The following PPARG variants were observed in gnomAD, a reference collection of about 807,000 sequenced individuals.
PPARG encodes the protein peroxisome proliferator activated receptor gamma.
A neutral mutation model predicts 39.2 loss-of-function variants in PPARG; 17 were observed. The ratio of observed to expected loss-of-function variants is 0.43; its 90% CI spans 0.30 to 0.65. PPARG has a LOEUF of 0.65. Ranked by LOEUF, PPARG falls within the 30% of genes least tolerant of loss-of-function variation. PPARG has a pLI of 0.13. For missense variants in PPARG, 406 were observed against 585.9 expected (o/e 0.69, Z 3.17); for synonymous variants, 223 against 215.7 (o/e 1.03, Z -0.30).
chr3:12,401,079 T>A (rs4135342), intron 5 of PPARG, among the ~76,000 whole-genome samples: 1 of 152,162 alleles, frequency 6.6e-6, no homozygotes, highest in African/African-American at 2.4e-5. Context: ...CACTTGTATA[T>A]GAGTACACTC....
chr3:12,385,816 G>A (rs1487417010), intron 4 of PPARG, among the ~76,000 whole-genome samples: 1 of 152,082 alleles, frequency 6.6e-6, no homozygotes, highest in Non-Finnish European at 1.5e-5. Context: ...CTGCTTCATG[G>A]GAAAGCCAAC....
intron 5 of PPARG, among the ~76,000 whole-genome samples, chr3:12,399,189 T>C (rs971543781): frequency 3.3e-5 from 5 of 152,196 alleles, no homozygotes; most frequent in African/African-American, 7.2e-5. Context: ...GAATCAGAGA[T>C]TGAGTTAGAA....
intron 2 of PPARG, among the ~76,000 whole-genome samples, chr3:12,314,479 C>T (rs2047335414): frequency 6.6e-6 from 1 of 152,196 alleles, no homozygotes; most frequent in Non-Finnish European, 1.5e-5. Flanking sequence ...ATAGTGAGCT[C>T]ATATGCCCCT....
Position 12,376,919 on chromosome 3 carries a change from C to T in PPARG, c.-8-2785C>T, listed in dbSNP as rs545195912. 9.2e-4 allele frequency among the ~76,000 whole-genome samples: 140 copies of T among 152,312 alleles called. 1 individual carries two copies. Among genetic ancestry groups the T allele is most frequent in the Admixed American group, 2.6e-3 (40 of 15,286 alleles). On this transcript the variant is annotated intron_variant, in intron 2 of 7. Transcript: ENST00000651735. ...ATCCTGGAGTTTATGAGCAGCTCAT[C>T]TCTGTCTCCCGTGTGAGCAGTCCTA...
intron 2 of PPARG, among the ~76,000 whole-genome samples, chr3:12,374,667 T>C (rs1335840634): frequency 1.3e-5 from 2 of 152,222 alleles, no homozygotes; most frequent in East Asian, 3.9e-4. Context: ...ATGTAAATCA[T>C]GGACTTTAGG....
intron 4 of PPARG, among the ~76,000 whole-genome samples, chr3:12,392,358 C>G (rs148664372): frequency 1.3e-5 from 2 of 152,254 alleles, no homozygotes; most frequent in East Asian, 3.9e-4. Context: ...GAGCCAAGAT[C>G]CAATGAAAGC....
At chr3:12,361,263 G>A (rs904822632) in intron 2 of PPARG, among the ~76,000 whole-genome samples, 3 of 152,028 alleles carry the variant, frequency 2.0e-5, no homozygotes, top group Non-Finnish European at 4.4e-5. Flanking sequence ...TTAGGTAAAC[G>A]TTCTAAAGCA....
At position 12,336,476 on chromosome 3, in the gene PPARG, T is replaced by C. The variant is rs142328348; in HGVS notation, c.-9+24023T>C. Among the ~76,000 whole-genome samples the C allele has an allele frequency of 9.5e-4, 145 of 152,316 alleles. No homozygotes were observed. In the East Asian group the frequency reaches 0.026, roughly 27 times the overall value. On this transcript the variant is annotated intron_variant, in intron 2 of 7. Coordinates refer to ENST00000651735, the MANE Select transcript of PPARG (RefSeq NM_138711.6). ...AAAAAGATGGAAGATAATAGTTCTTTAGAAAAATGGAAACATTTACATTAT... is the reference window on the plus strand; with the variant it reads ...AAAAAGATGGAAGATAATAGTTCTTCAGAAAAATGGAAACATTTACATTAT...
intron 2 of PPARG, among the ~76,000 whole-genome samples, chr3:12,367,076 A>G (rs749964346): frequency 3.9e-5 from 6 of 152,178 alleles, no homozygotes; most frequent in Admixed American, 2.0e-4. Flanking sequence ...TAATAAATGT[A>G]GGCCTATTCC....
intron 1 of PPARG, among the ~76,000 whole-genome samples, chr3:12,308,974 A>G (rs140016444): frequency 5.9e-5 from 9 of 152,340 alleles, no homozygotes; most frequent in African/African-American, 1.9e-4. Flanking sequence ...AATTAAACCG[A>G]GAAGCAGATT....
chr3:12,332,215 G>A lies in PPARG; in HGVS notation c.-9+19762G>A, dbSNP rs377498112. 7.2e-5 allele frequency among the ~76,000 whole-genome samples: 11 copies of A among 152,232 alleles called. No homozygotes were observed. The East Asian group carries it at 2.1e-3, about 29-fold the overall frequency. ...CAAAAAGCCCTTTTTATTTCTGCCT[G>A]TGTAAAATCTTTCTTCAACATATTA... On this transcript the variant is annotated intron_variant, in intron 2 of 7. Transcript: ENST00000651735.
rs568020561 is a variant in PPARG, at chr3:12,403,740, G to C, written c.530-2142G>C. On this transcript the variant is annotated intron_variant, in intron 5 of 7. Transcript: ENST00000651735. ...TGCAGATGTGGAACCTGCGGGTATG[G>C]AGGGCCAACTGCATAAGGAATTCTA... Among the ~76,000 whole-genome samples, 11 of 152,292 alleles carry C rather than the reference G, an allele frequency of 7.2e-5. No individual in the cohort carries two copies. The South Asian group carries it at 2.3e-3, about 32-fold the overall frequency.
At chr3:12,391,954 C>G (rs1295054470) in intron 4 of PPARG, among the ~76,000 whole-genome samples, 3 of 152,070 alleles carry the variant, frequency 2.0e-5, no homozygotes, top group African/African-American at 7.2e-5. Flanking sequence ...TTCAGTTGGC[C>G]TCAAATTGAC....
chr3:12,412,079 C>T (rs527939082), intron 6 of PPARG, among the ~76,000 whole-genome samples: 1 of 152,228 alleles, frequency 6.6e-6, no homozygotes, highest in Non-Finnish European at 1.5e-5. Flanking sequence ...TTCAATCTGC[C>T]AAATTAGAAA....
At chr3:12,415,383 T>A (rs2125280573) in intron 6 of PPARG, among the ~76,000 whole-genome samples, 1 of 152,366 alleles carries the variant, frequency 6.6e-6, no homozygotes, top group African/African-American at 2.4e-5. Context: ...CCCTCAGCTC[T>A]TCTTCCAGTG....
intron 1 of PPARG, among the ~76,000 whole-genome samples, chr3:12,304,340 A>G (rs1574955479): frequency 6.6e-6 from 1 of 152,224 alleles, no homozygotes; most frequent in Admixed American, 6.5e-5. Context: ...AGTTACTGCA[A>G]ACGTCAAACT....
At chr3:12,426,407 C>T (rs898590359) in intron 7 of PPARG, among the ~76,000 whole-genome samples, 2 of 152,136 alleles carry the variant, frequency 1.3e-5, no homozygotes, top group Non-Finnish European at 2.9e-5. Flanking sequence ...CAGCAGTAAA[C>T]GACATTGCTC....
intron 1 of PPARG, among the ~76,000 whole-genome samples, chr3:12,296,254 C>CAAAAAAAAAAAAAA (rs545210244): frequency 2.1e-5 from 1 of 48,650 alleles, no homozygotes; most frequent in Non-Finnish European, 3.8e-5. Context: ...CACTTTGTCT[C>CAAAAAAAAAAAAAA]AAAAAAAAAA....
intron 2 of PPARG, among the ~76,000 whole-genome samples, chr3:12,338,242 A>G (rs550604134): frequency 6.6e-6 from 1 of 152,338 alleles, no homozygotes; most frequent in East Asian, 1.9e-4. Flanking sequence ...GATTAACAAC[A>G]TACAACTTGT....
Sources: allele counts gnomAD v4.1 joint callset (sites outside exome capture counted in the v4.1 genomes callset), GRCh38; gene constraint gnomAD v4.1.1; transcripts MANE v1.5; gene names NCBI Gene and HGNC (gene_info 2026-07-23, HGNC 2026-07-21).